The following FBXO4 variants were observed in gnomAD, a reference collection of about 807,000 sequenced individuals.
The protein encoded by FBXO4 is F-box protein 4.
A neutral mutation model predicts 43.7 loss-of-function variants in FBXO4; 36 were observed. The ratio of observed to expected loss-of-function variants is 0.82; its 90% CI spans 0.63 to 1.09. FBXO4 has a LOEUF of 1.09. FBXO4 is among the 50% of genes least tolerant of loss of function. The pLI, the probability that FBXO4 is intolerant of heterozygous loss-of-function variation, is 0.00. For synonymous variants in FBXO4, 180 were observed against 165.6 expected (o/e 1.09, Z -0.67); for missense variants, 435 against 474.1 (o/e 0.92, Z 0.77).
At chr5:41,944,796 T>TA (rs1167852736), downstream of FBXO4, among the ~76,000 whole-genome samples, 1 of 152,226 alleles carries the variant, frequency 6.6e-6, no homozygotes, top group Non-Finnish European at 1.5e-5. Context: ...TAGCTAAGGT[T>TA]ACGATTGTAC....
chr5:42,023,065 G>A, the FBXO4 span, among the ~76,000 whole-genome samples: 2 of 152,126 alleles, frequency 1.3e-5, no homozygotes, highest in African/African-American at 4.8e-5. Context: ...AACACTTGAT[G>A]CACTCCATTG....
the FBXO4 span, among the ~76,000 whole-genome samples, chr5:41,976,435 G>C: frequency 1.4e-4 from 22 of 152,156 alleles, 1 homozygote; most frequent in Admixed American, 1.4e-3. Flanking sequence ...TTTCTTCCAA[G>C]ATAAGATGGT....
In FBXO4 at chr5:41,939,505, G is replaced by A. The variant is rs61748219; in HGVS notation, c.963G>A (p.Ser321=). 4,600 of 1,613,390 alleles carry A rather than the reference G, an allele frequency of 2.9e-3. 20 individuals are homozygous for A. The highest frequency in any genetic ancestry group is 3.3e-3 in the Non-Finnish European group (3,924 of 1,179,526). ...MAMTDPAFGS[S]GRPLLVLSCI... ...TGACAGATCCAGCCTTTGGGTCTTC[G>A]GGAAGACCATTGTTGGTTTTATCTT... The change falls in exon 6 of 7, where the codon TCG becomes TCA. Residue 321 remains serine (S), a synonymous_variant. Transcript: ENST00000281623.
chr5:42,030,480 G>T, the FBXO4 span, among the ~76,000 whole-genome samples: 6 of 151,930 alleles, frequency 3.9e-5, no homozygotes, highest in African/African-American at 1.4e-4. Context: ...AGACTTAAAT[G>T]TTAGACCTAA....
chr5:41,932,191 C>T (rs754857617), intron 3 of FBXO4, among the ~76,000 whole-genome samples: 6 of 152,152 alleles, frequency 3.9e-5, no homozygotes, highest in Non-Finnish European at 7.3e-5. Context: ...ATTTATGGCT[C>T]ACACTCAGCA....
At chr5:42,023,720 T>C in the FBXO4 span, among the ~76,000 whole-genome samples, 27 of 151,846 alleles carry the variant, frequency 1.8e-4, no homozygotes, top group African/African-American at 6.3e-4. Flanking sequence ...AATAATAATA[T>C]GAACCCCCAT....
chr5:41,982,326 C>G, the FBXO4 span, among the ~76,000 whole-genome samples: 1 of 152,184 alleles, frequency 6.6e-6, no homozygotes, highest in Non-Finnish European at 1.5e-5. Flanking sequence ...AATCGCCACA[C>G]TGTCTTCCAC....
downstream of FBXO4, among the ~76,000 whole-genome samples, chr5:41,942,583 G>T (rs145913768): frequency 8.0e-4 from 122 of 151,928 alleles, no homozygotes; most frequent in Admixed American, 8.5e-4. Context: ...TTATAATCTA[G>T]ATTTTTGTTA....
intron 3 of FBXO4, among the ~76,000 whole-genome samples, chr5:41,931,374 G>A (rs1252098229): frequency 1.3e-5 from 2 of 152,174 alleles, no homozygotes; most frequent in Admixed American, 6.5e-5. Flanking sequence ...GGATGATAGA[G>A]GATTCACTAG....
the FBXO4 span, among the ~76,000 whole-genome samples, chr5:41,994,116 G>T: frequency 6.6e-6 from 1 of 152,026 alleles, no homozygotes; most frequent in South Asian, 2.1e-4. Context: ...TTCAAGTAAG[G>T]ACAATAATAA....
At chr5:42,019,606 T>C in the FBXO4 span, among the ~76,000 whole-genome samples, 1 of 151,192 alleles carries the variant, frequency 6.6e-6, no homozygotes, top group Non-Finnish European at 1.5e-5. Flanking sequence ...CAGAATTGCT[T>C]GAACCCAAGA....
chr5:42,035,149 G>T, the FBXO4 span, among the ~76,000 whole-genome samples: 17 of 151,978 alleles, frequency 1.1e-4, no homozygotes, highest in African/African-American at 4.1e-4. Flanking sequence ...AGGAATGCTT[G>T]TGATTTTTGC....
chr5:42,006,058 A>T, the FBXO4 span, among the ~76,000 whole-genome samples: 9 of 152,134 alleles, frequency 5.9e-5, no homozygotes, highest in African/African-American at 2.2e-4. Flanking sequence ...TGCACCTCAA[A>T]AATATATTGA....
At chr5:41,972,809 A>G in the FBXO4 span, among the ~76,000 whole-genome samples, 1 of 152,190 alleles carries the variant, frequency 6.6e-6, no homozygotes, top group African/African-American at 2.4e-5. Flanking sequence ...AAAACTGACA[A>G]CAAGCAATGG....
the FBXO4 span, among the ~76,000 whole-genome samples, chr5:41,996,074 C>G: frequency 6.6e-6 from 1 of 152,184 alleles, no homozygotes; most frequent in Admixed American, 6.5e-5. Flanking sequence ...AGGGAACTCC[C>G]CATGAGGCCA....
At chr5:41,967,407 C>T in the FBXO4 span, 1 of 536,828 alleles carries the variant, frequency 1.9e-6, no homozygotes, top group Non-Finnish European at 3.7e-6. Flanking sequence ...GTCATATTTG[C>T]TGTGATCAGA....
the FBXO4 span, among the ~76,000 whole-genome samples, chr5:42,012,554 T>C: frequency 6.6e-6 from 1 of 152,166 alleles, no homozygotes; most frequent in East Asian, 1.9e-4. Flanking sequence ...TATAAAGTTT[T>C]TGATAGCAAA....
At chr5:41,956,074 C>T in the FBXO4 span, among the ~76,000 whole-genome samples, 1 of 152,086 alleles carries the variant, frequency 6.6e-6, no homozygotes, top group African/African-American at 2.4e-5. Flanking sequence ...TAGTGTCATC[C>T]ATTCAGTTAA....
chr5:41,972,124 A>C, the FBXO4 span, among the ~76,000 whole-genome samples: 1 of 152,176 alleles, frequency 6.6e-6, no homozygotes, highest in Non-Finnish European at 1.5e-5. Flanking sequence ...AAAGGCATCC[A>C]AATAGGAAGA....
Sources: gnomAD v4.1 joint callset for allele counts (sites outside exome capture counted in the v4.1 genomes callset) on GRCh38, gnomAD v4.1.1 for gene constraint, MANE v1.5 for transcripts, NCBI Gene and HGNC (gene_info 2026-07-23, HGNC 2026-07-21) for gene names.